Variants in CNOT10 observed in about 807,000 individuals in gnomAD.
CNOT10 encodes CCR4-NOT transcription complex, subunit 10.
Under a neutral mutation model 94.6 loss-of-function variants are expected in CNOT10, and 30 were observed. That is an observed-to-expected ratio of 0.32 (90% confidence interval 0.24 to 0.43). The LOEUF is 0.43. Among genes scored for constraint, CNOT10 ranks in the 20% least tolerant of loss-of-function variants. The pLI is 1.00. For synonymous variants in CNOT10, 289 were observed against 301.6 expected, an observed-to-expected ratio of 0.96 and a Z score of 0.43; for missense variants, 759 against 877.2, an observed-to-expected ratio of 0.87 and a Z score of 1.70.
chr3:32,722,137 CAA>C (rs1039669928), intron 8 of CNOT10, among the ~76,000 whole-genome samples: 6 of 152,128 alleles, frequency 3.9e-5, no homozygotes, highest in African/African-American at 1.4e-4. Flanking sequence ...TATTTTGCCT[CAA>C]GTTTAAAATG....
chr3:32,754,789 T>C (rs372161535), intron 13 of CNOT10, among the ~76,000 whole-genome samples: 5 of 149,952 alleles, frequency 3.3e-5, no homozygotes, highest in Non-Finnish European at 7.4e-5. Flanking sequence ...CCCATAGTTC[T>C]GGGATTACAG....
At chr3:32,697,711 G>A (rs1378398583) in intron 1 of CNOT10, among the ~76,000 whole-genome samples, 1 of 152,184 alleles carries the variant, frequency 6.6e-6, no homozygotes, top group Non-Finnish European at 1.5e-5. Context: ...CTAGGCTCAA[G>A]CAGTCCTCCT....
At position 32,764,481 on chromosome 3, in the gene CNOT10, A is replaced by G. The variant is rs751346626; in HGVS notation, c.1867A>G (p.Met623Val). The change falls in exon 16 of 19, where the codon ATG (methionine) becomes GTG (valine). Residue 623 changes from methionine to valine, a missense_variant. Around this residue, in one of 3 missense-constraint regions of CNOT10, gnomAD observed 682 missense variants for 799.4 expected, o/e 0.85. Transcript: ENST00000328834. ...QGSDKGENEA[M>V]ESSGKRAPQC... is the part of the protein sequence containing the mutation. The stretch of plus-strand genomic sequence containing the variant: ...ATCAGACAAAGGTGAAAATGAAGCA[A>G]TGGAATCCTGTAAGTAAGAAGTTTT... 15 of 1,613,832 alleles carry G rather than the reference A, an allele frequency of 9.3e-6. No homozygotes were observed. Among genetic ancestry groups the G allele is most frequent in the Admixed American group, 1.7e-5 (1 of 59,922 alleles).
intron 7 of CNOT10, among the ~76,000 whole-genome samples, chr3:32,719,166 T>C (rs1278879551): frequency 3.3e-5 from 5 of 152,094 alleles, no homozygotes; most frequent in African/African-American, 1.2e-4. Flanking sequence ...GGAGAATTGC[T>C]TGAACCCGGG....
intron 4 of CNOT10, among the ~76,000 whole-genome samples, chr3:32,710,183 A>G (rs996990495): frequency 1.3e-5 from 2 of 149,840 alleles, no homozygotes; most frequent in South Asian, 2.1e-4. Flanking sequence ...AATTTCCTGA[A>G]TTCATGAAAT....
intron 12 of CNOT10, among the ~76,000 whole-genome samples, chr3:32,736,285 C>T (rs546065179): frequency 7.5e-4 from 114 of 152,174 alleles, no homozygotes; most frequent in African/African-American, 2.6e-3. Flanking sequence ...TAGGGTTTTG[C>T]CATGTTGTCC....
intron 4 of CNOT10, 124 bp downstream of exon 4, chr3:32,708,944 A>G: frequency 1.4e-6 from 1 of 704,222 alleles, no homozygotes; most frequent in Non-Finnish European, 2.2e-6. Context: ...AAGCCGTATC[A>G]GCTTTGCTTA....
chr3:32,697,900 T>G (rs1697154085), intron 1 of CNOT10, among the ~76,000 whole-genome samples: 1 of 152,238 alleles, frequency 6.6e-6, no homozygotes, highest in African/African-American at 2.4e-5. Context: ...TTTTATAAAA[T>G]CTTTAATAAT....
chr3:32,711,940 A>G (rs1203021101), intron 4 of CNOT10, among the ~76,000 whole-genome samples: 1 of 152,186 alleles, frequency 6.6e-6, no homozygotes, highest in Non-Finnish European at 1.5e-5. Flanking sequence ...TTTTAAATGA[A>G]TTCCACTCTT....
In CNOT10 at chr3:32,773,664, C is replaced by T. The variant is rs1701006121; in HGVS notation, c.*53C>T. 1.6e-5 allele frequency: 24 copies of T among 1,530,894 alleles called. No homozygotes were observed. The South Asian group carries it at 2.8e-4, about 18-fold the overall frequency. The allele number at this position is 1,530,894 out of a possible 1,614,324, so 94.8% of individuals were successfully genotyped here. ...GAGACCCAGGGGAGAATTTACTGGC[C>T]ATTTTAGTTGTATCACAGCAGAATG... is the stretch of plus-strand genomic sequence containing the variant. On this transcript the variant is annotated 3_prime_UTR_variant, in exon 19 of 19. Transcript: ENST00000328834.
intron 18 of CNOT10, among the ~76,000 whole-genome samples, chr3:32,770,629 TGAG>T (rs1333495606): frequency 1.3e-5 from 2 of 151,722 alleles, no homozygotes; most frequent in Non-Finnish European, 2.9e-5. Context: ...CCGGCAAGGC[TGAG>T]ATTTTTAATG....
chr3:32,691,615 T>C (rs1046204131), intron 1 of CNOT10, among the ~76,000 whole-genome samples: 1 of 152,234 alleles, frequency 6.6e-6, no homozygotes, highest in Non-Finnish European at 1.5e-5. Context: ...TGACTTTTAA[T>C]GTTGAATCAT....
At chr3:32,755,693 A>T (rs552731015) in intron 13 of CNOT10, among the ~76,000 whole-genome samples, 3 of 151,032 alleles carry the variant, frequency 2.0e-5, no homozygotes, top group African/African-American at 4.9e-5. Context: ...TTTAATGCCT[A>T]GTCTTGCATA....
rs149088430 is a variant in CNOT10 at position 32,742,318 on chromosome 3, A to C, written c.1595+4828A>C. 6.3e-3 allele frequency among the ~76,000 whole-genome samples: 957 copies of C among 151,740 alleles called. 26 individuals carry two copies. Among genetic ancestry groups the C allele is most frequent in the Admixed American group, 0.044 (666 of 15,212 alleles). ...GTAGTGCTATCTCATTGTGATTTTT[A>C]TTTGCATTTCTCTAATGAACTTCTT... On this transcript the variant is annotated intron_variant, in intron 13 of 18. Transcript: ENST00000328834.
At chr3:32,740,531 T>C (rs1044903230) in intron 13 of CNOT10, among the ~76,000 whole-genome samples, 1 of 152,078 alleles carries the variant, frequency 6.6e-6, no homozygotes, top group African/African-American at 2.4e-5. Context: ...TTTTTTGTTT[T>C]ACAATATTTT....
At chr3:32,752,982 G>T (rs930710826) in intron 13 of CNOT10, 1 of 465,158 alleles carries the variant, frequency 2.1e-6, no homozygotes, top group African/African-American at 2.0e-5. Context: ...TCTAATCGAC[G>T]AGGACCCCCA....
intron 10 of CNOT10, 134 bp downstream of exon 10, chr3:32,728,004 TTTA>T (rs1698761813): frequency 2.8e-6 from 1 of 361,190 alleles, no homozygotes; most frequent in African/African-American, 2.4e-5. Flanking sequence ...TATTTATTTA[TTTA>T]TTTTTTGAGA....
intron 8 of CNOT10, among the ~76,000 whole-genome samples, chr3:32,721,263 A>G (rs906519972): frequency 7.3e-5 from 11 of 150,388 alleles, no homozygotes; most frequent in African/African-American, 2.4e-4. Flanking sequence ...CAAGGTTTCC[A>G]TGTTGCCTAG....
chr3:32,733,285 C>T (rs1699037435), intron 10 of CNOT10, 138 bp from the exon 11 acceptor site: 1 of 594,956 alleles, frequency 1.7e-6, no homozygotes, highest in Non-Finnish European at 2.8e-6. Flanking sequence ...AAACATGTTT[C>T]CATTATCACC....
Sources: allele counts gnomAD v4.1 joint callset (sites outside exome capture counted in the v4.1 genomes callset), GRCh38; gene constraint gnomAD v4.1.1; regional missense constraint gnomAD v4.1.1; transcripts MANE v1.5; gene names NCBI Gene and HGNC (gene_info 2026-07-23, HGNC 2026-07-21).